The following PTK2 variants were observed in gnomAD, a reference collection of about 807,000 sequenced individuals.
PTK2 encodes the protein focal adhesion kinase 1.
A neutral mutation model predicts 150.1 loss-of-function variants in PTK2; 45 were observed. The observed-to-expected ratio is 0.30, with a 90% CI of 0.24 to 0.38. The LOEUF (loss-of-function observed/expected upper bound fraction) is 0.38, where lower values mean the gene tolerates loss of function less well. PTK2 is among the 10% of genes least tolerant of loss of function. PTK2 has a pLI of 1.00. For synonymous variants in PTK2, 432 were observed against 449.2 expected (o/e 0.96, Z 0.48); for missense variants, 919 against 1,307.3 (o/e 0.70, Z 4.58).
At chr8:140,698,002 T>C (rs1157026854) in intron 26 of PTK2, among the ~76,000 whole-genome samples, 1 of 151,956 alleles carries the variant, frequency 6.6e-6, no homozygotes, top group Non-Finnish European at 1.5e-5. Flanking sequence ...TATAGCCTTT[T>C]GACTCCATGT....
chr8:140,865,759 G>A (rs555595188), intron 4 of PTK2, among the ~76,000 whole-genome samples: 22 of 152,274 alleles, frequency 1.4e-4, no homozygotes, highest in African/African-American at 5.1e-4. Context: ...GGATTTACCA[G>A]GCACGTAACT....
chr8:140,838,275 A>T (rs1192552478), intron 7 of PTK2, among the ~76,000 whole-genome samples: 1 of 152,230 alleles, frequency 6.6e-6, no homozygotes, highest in Non-Finnish European at 1.5e-5. Context: ...CCGAAGAAAT[A>T]TAAATTTCTA....
intron 1 of PTK2, among the ~76,000 whole-genome samples, chr8:140,997,542 C>G (rs1173702500): frequency 1.3e-5 from 2 of 152,256 alleles, no homozygotes; most frequent in Non-Finnish European, 2.9e-5. Context: ...TCAGCAACCA[C>G]CACCCTGATT....
intron 1 of PTK2, among the ~76,000 whole-genome samples, chr8:140,968,874 C>G (rs1414727338): frequency 1.3e-5 from 2 of 152,322 alleles, no homozygotes; most frequent in African/African-American, 4.8e-5. Flanking sequence ...AGAAATAATT[C>G]GAGCAGCAAC....
chr8:140,676,399 TTAATTAATTAATTA>T (rs147059702), intron 27 of PTK2, among the ~76,000 whole-genome samples: 42,378 of 109,608 alleles, frequency 0.39, 6,479 homozygotes, highest in Admixed American at 0.5. Flanking sequence ...AATTAATTAA[TTAATTAATTAATTA>T]ATATATATAT....
intron 4 of PTK2, among the ~76,000 whole-genome samples, chr8:140,873,535 G>A (rs912345409): frequency 6.6e-5 from 10 of 151,826 alleles, no homozygotes; most frequent in East Asian, 5.8e-4. Flanking sequence ...GCACGATCTC[G>A]GCTCACTGCA....
chr8:140,723,756 C>G (rs1225695394), intron 22 of PTK2, among the ~76,000 whole-genome samples: 1 of 152,174 alleles, frequency 6.6e-6, no homozygotes, highest in Non-Finnish European at 1.5e-5. Flanking sequence ...TGAGACTTGT[C>G]ATTTAACAAA....
At position 140,705,174 on chromosome 8, in the gene PTK2, T is replaced by G. The variant is rs576310223; in HGVS notation, c.2229+945A>C. Among the ~76,000 whole-genome samples, 16 of 152,298 alleles carry G rather than the reference T, an allele frequency of 1.1e-4. No individual in the cohort carries two copies. The South Asian group carries it at 3.3e-3, about 32-fold the overall frequency. ...ACTACCACTGACATATCTTTTCCAA[T>G]AAGAAAGTGCTTACATTCTCCCTTA... is the stretch of plus-strand genomic sequence containing the variant. On this transcript the variant is annotated intron_variant, in intron 24 of 31. Coordinates refer to ENST00000522684, the Ensembl canonical transcript of PTK2.
chr8:140,971,812 T>C (rs191166469), intron 1 of PTK2, among the ~76,000 whole-genome samples: 22 of 152,358 alleles, frequency 1.4e-4, no homozygotes, highest in African/African-American at 5.1e-4. Context: ...TACATTCCAG[T>C]AGCATTTTTC....
At chr8:140,900,502 ACT>A (rs2100158003) in intron 2 of PTK2, among the ~76,000 whole-genome samples, 1 of 152,116 alleles carries the variant, frequency 6.6e-6, no homozygotes, top group Admixed American at 6.5e-5. Context: ...CAGGCGTATC[ACT>A]AGAGGCCAGG....
At position 140,950,143 on chromosome 8, in the gene PTK2, T is replaced by G. The variant is rs548478823; in HGVS notation, c.-121-24394A>C. Among the ~76,000 whole-genome samples, 13 of 152,346 alleles carry G rather than the reference T, an allele frequency of 8.5e-5. No homozygotes were observed. In the East Asian group the frequency reaches 2.3e-3, roughly 27 times the overall value. The stretch of plus-strand genomic sequence containing the variant: ...ACCTTGCTCATCCTCCAGTTGTCCA[T>G]GTACCTCATTCTTCCTGGACACTGG... On this transcript the variant is annotated intron_variant, in intron 1 of 31. Transcript: ENST00000522684.
intron 10 of PTK2, among the ~76,000 whole-genome samples, chr8:140,817,337 T>C (rs992565325): frequency 2.6e-5 from 4 of 152,004 alleles, no homozygotes; most frequent in Admixed American, 2.6e-4. Context: ...AGAGTACACT[T>C]GGAAAAAAGC....
At chr8:140,835,606 G>C (rs1185892347) in intron 7 of PTK2, among the ~76,000 whole-genome samples, 1 of 152,154 alleles carries the variant, frequency 6.6e-6, no homozygotes, top group Non-Finnish European at 1.5e-5. Context: ...TCATCCTGGG[G>C]ATGAAGTTGT....
chr8:140,744,675 T>C, exon 19 of PTK2: 2 of 1,594,814 alleles, frequency 1.3e-6, no homozygotes, highest in Non-Finnish European at 1.7e-6. Flanking sequence ...TTTTGCTCTC[T>C]AGATATGCAA....
chr8:140,859,566 CTT>C (rs1024000052), intron 5 of PTK2, among the ~76,000 whole-genome samples: 1 of 152,068 alleles, frequency 6.6e-6, no homozygotes, highest in Non-Finnish European at 1.5e-5. Flanking sequence ...ATATTAAAGA[CTT>C]TAAAGGTTAG....
Position 140,830,541 on chromosome 8 carries a change from G to C in PTK2, c.594-15C>G, listed in dbSNP as rs111650714. ...CAACATCTTTTCTGAAATATAAAAA[G>C]AAGCGTATTAACAAATAACACCACC... On this transcript the variant is annotated splice_polypyrimidine_tract_variant and intron_variant, in intron 7 of 31. Transcript: ENST00000522684. 6.2e-6 allele frequency: 9 copies of C among 1,452,854 alleles called. No individual in the cohort carries two copies. In the African/African-American group the frequency reaches 7.2e-5, roughly 12 times the overall value. The allele number at this position is 1,452,854 out of a possible 1,614,324, so 90.0% of individuals were successfully genotyped here. A position where few individuals can be genotyped will look rare whatever the true frequency, so the allele number is the denominator to read the frequency against.
chr8:140,919,659 T>C lies in PTK2; in HGVS notation c.-33+6002A>G, dbSNP rs143854659. ...TAGAATTCTTTGGCTCTGAACACTATTAGTCACACTCACTTATACTATACA... is the reference window on the plus strand; with the variant it reads ...TAGAATTCTTTGGCTCTGAACACTACTAGTCACACTCACTTATACTATACA... On this transcript the variant is annotated intron_variant, in intron 2 of 31. Transcript: ENST00000522684. Among the ~76,000 whole-genome samples, 554 of 152,238 alleles carry C rather than the reference T, an allele frequency of 3.6e-3. 4 individuals carry two copies. The highest frequency in any genetic ancestry group is 0.013 in the African/African-American group (526 of 41,546).
rs567369782 is a variant in PTK2, at chr8:140,751,501, T to TC, written c.1417+730_1417+731insG. 3.6e-3 allele frequency among the ~76,000 whole-genome samples: 548 copies of TC among 151,558 alleles called. 5 individuals are homozygous for TC. The highest frequency in any genetic ancestry group is 0.013 in the African/African-American group (531 of 41,404). On this transcript the variant is annotated intron_variant, in intron 17 of 31. Transcript: ENST00000522684. ...GATTTGTTCTTTTTCTTTCTTTCTT[T>TC]TTTTTTTTTGAGGCAGAGATTGCTC...
At chr8:140,790,042 ACTT>A (rs1409895026) in intron 13 of PTK2, among the ~76,000 whole-genome samples, 3,177 of 152,326 alleles carry the variant, frequency 0.021, 120 homozygotes, top group African/African-American at 0.072. Context: ...GTATCTTGCT[ACTT>A]GCTTCATGAC....
Sources: allele counts gnomAD v4.1 joint callset (sites outside exome capture counted in the v4.1 genomes callset), GRCh38; gene constraint gnomAD v4.1.1; transcripts MANE v1.5; gene names NCBI Gene and HGNC (gene_info 2026-07-23, HGNC 2026-07-21).